Variants in PRDM1 observed in about 807,000 individuals in gnomAD.
The protein encoded by PRDM1 is PR/SET domain 1.
Under a neutral mutation model 62.8 loss-of-function variants are expected in PRDM1, and 13 were observed. The observed-to-expected ratio is 0.21, with a 90% confidence interval of 0.13 to 0.33. The LOEUF is 0.33. Ranked by LOEUF, PRDM1 falls within the 10% of genes least tolerant of loss-of-function variation. The probability of loss-of-function intolerance (pLI) is 1.00; values close to 1 mark genes in which losing one functional copy is unlikely to be tolerated. For missense variants in PRDM1, 895 were observed against 1,058.8 expected, an observed-to-expected ratio of 0.85 and a Z score of 2.15; for synonymous variants, 396 against 417.6, an observed-to-expected ratio of 0.95 and a Z score of 0.63.
intron 1 of PRDM1, among the ~76,000 whole-genome samples, chr6:106,049,814 T>C (rs760696854): frequency 6.6e-6 from 1 of 152,242 alleles, no homozygotes; most frequent in Non-Finnish European, 1.5e-5. Context: ...GAAAGAATGA[T>C]AAATGGCTGC....
intron 2 of PRDM1, 56 bp downstream of exon 2, chr6:106,088,505 C>T (rs2114618583): frequency 1.2e-6 from 2 of 1,606,848 alleles, no homozygotes; most frequent in Non-Finnish European, 1.7e-6. Context: ...AATCTCCCTA[C>T]TTGCCCTTGA....
Position 106,109,822 on chromosome 6 carries a change from G to A in PRDM1, c.*2336G>A, listed in dbSNP as rs910339906. The A allele has an allele frequency of 3.0e-5, 7 of 232,748 alleles. No individual in the cohort carries two copies. Among genetic ancestry groups the A allele is most frequent in the Non-Finnish European group, 6.0e-5 (7 of 117,542 alleles). 14.4% of individuals were successfully genotyped at this position (232,748 alleles called of 1,614,324 possible). On this transcript the variant is annotated 3_prime_UTR_variant, in exon 7 of 7. Coordinates refer to ENST00000369096, the MANE Select transcript of PRDM1 (RefSeq NM_001198.4). ...AAGTTAAAACTGACCAAAGTTACTG[G>A]CTTTTTACTTTGCTAGAACAACAAA... is the stretch of plus-strand genomic sequence containing the variant.
At chr6:106,001,703 A>G (rs554110067) in intron 1 of PRDM1, among the ~76,000 whole-genome samples, 2 of 152,246 alleles carry the variant, frequency 1.3e-5, no homozygotes, top group Admixed American at 6.5e-5. Context: ...TTGTTCCACT[A>G]TCCCTGTTCC....
intron 1 of PRDM1, among the ~76,000 whole-genome samples, chr6:106,062,635 T>C (rs1653466834): frequency 6.6e-6 from 1 of 152,220 alleles, no homozygotes; most frequent in Non-Finnish European, 1.5e-5. Flanking sequence ...GAAAAGGTTT[T>C]GAATAGCTTT....
At chr6:106,053,631 A>G (rs558505163) in intron 1 of PRDM1, among the ~76,000 whole-genome samples, 2 of 152,252 alleles carry the variant, frequency 1.3e-5, no homozygotes, top group South Asian at 2.1e-4. Context: ...TTGGCACCCA[A>G]GGACTCTTAG....
At chr6:106,073,105 CTTTTTTTTTT>C (rs202236727) in intron 1 of PRDM1, among the ~76,000 whole-genome samples, 3 of 137,666 alleles carry the variant, frequency 2.2e-5, no homozygotes, top group Non-Finnish European at 4.7e-5. Flanking sequence ...TTCCTCTTTT[CTTTTTTTTTT>C]TTTTTTTGTT....
chr6:105,997,807 T>C (rs1275806479), intron 1 of PRDM1, among the ~76,000 whole-genome samples: 4 of 152,246 alleles, frequency 2.6e-5, no homozygotes, highest in African/African-American at 7.2e-5. Flanking sequence ...CTATGGACTT[T>C]GTAATGGGCA....
chr6:106,008,649 G>T (rs997302152), intron 1 of PRDM1, among the ~76,000 whole-genome samples: 7 of 152,180 alleles, frequency 4.6e-5, no homozygotes, highest in African/African-American at 1.7e-4. Context: ...GGAAAGGAGG[G>T]CCCAGTCAGA....
At chr6:106,025,740 T>TA (rs1203322433) in intron 1 of PRDM1, among the ~76,000 whole-genome samples, 36 of 152,384 alleles carry the variant, frequency 2.4e-4, no homozygotes, top group African/African-American at 8.7e-4. Context: ...ATCAAATTGA[T>TA]ACTCTTTGGG....
At chr6:106,096,048 G>A in intron 3 of PRDM1, 1 of 239,994 alleles carries the variant, frequency 4.2e-6, no homozygotes, top group Non-Finnish European at 8.2e-6. Context: ...TTCTCCGCAA[G>A]GAAGTAGTAA....
At chr6:106,029,236 T>C (rs1247620013) in intron 1 of PRDM1, among the ~76,000 whole-genome samples, 2 of 152,144 alleles carry the variant, frequency 1.3e-5, no homozygotes, top group South Asian at 2.1e-4. Flanking sequence ...TGTTTTCTTA[T>C]AGCAGTTTCA....
chr6:106,087,882 C>T (rs1372982334), intron 1 of PRDM1: 1 of 269,978 alleles, frequency 3.7e-6, no homozygotes, highest in African/African-American at 2.2e-5. Flanking sequence ...GGACTGTGTG[C>T]CCAGAACATT....
rs751320406 is a variant in PRDM1, at chr6:106,107,331, T to A, written c.2323T>A (p.Ser775Thr). 20 of 1,613,996 alleles carry A rather than the reference T, an allele frequency of 1.2e-5. 1 individual carries two copies. The South Asian group carries it at 2.0e-4, about 16-fold the overall frequency. ...KEKEETGLKV[S>T]LQRNMGNGLL... ...GAAAGAAGAAACTGGCCTGAAAGTGTCTTTGCAAAGAAACATGGGGAATGG... is the reference window on the plus strand; with the variant it reads ...GAAAGAAGAAACTGGCCTGAAAGTGACTTTGCAAAGAAACATGGGGAATGG... Residue 775 changes from serine (S) to threonine (T), a missense_variant, in exon 7 of 7, where the codon TCT becomes ACT. Ser to Thr is a moderately conservative substitution (Grantham distance 58, BLOSUM62 1). Transcript: ENST00000369096.
chr6:106,027,050 G>A (rs992876552), intron 1 of PRDM1, among the ~76,000 whole-genome samples: 3 of 152,102 alleles, frequency 2.0e-5, no homozygotes, highest in South Asian at 2.1e-4. Flanking sequence ...GTTGAAATTC[G>A]GATCCCCACC....
intron 1 of PRDM1, among the ~76,000 whole-genome samples, chr6:106,035,731 T>C (rs1314891558): frequency 6.6e-6 from 1 of 152,242 alleles, no homozygotes; most frequent in African/African-American, 2.4e-5. Flanking sequence ...TTCTATCCTT[T>C]CACTTTCAAC....
intron 1 of PRDM1, among the ~76,000 whole-genome samples, chr6:106,019,307 G>A (rs545305404): frequency 4.2e-5 from 6 of 141,756 alleles, no homozygotes; most frequent in Non-Finnish European, 7.6e-5. Context: ...CCTTCTATAT[G>A]ATTTTATATG....
chr6:106,072,674 C>T (rs1773537611), intron 1 of PRDM1, among the ~76,000 whole-genome samples: 1 of 152,230 alleles, frequency 6.6e-6, no homozygotes, highest in African/African-American at 2.4e-5. Flanking sequence ...CTGCTGTCTG[C>T]GGTGCCCCTT....
intron 1 of PRDM1, among the ~76,000 whole-genome samples, chr6:106,015,878 A>G (rs556599558): frequency 6.6e-6 from 1 of 152,018 alleles, no homozygotes; most frequent in Non-Finnish European, 1.5e-5. Flanking sequence ...CAAGTATGCT[A>G]TTCAGTAGCA....
At chr6:106,049,192 A>C (rs1031274897) in intron 1 of PRDM1, among the ~76,000 whole-genome samples, 1 of 152,206 alleles carries the variant, frequency 6.6e-6, no homozygotes, top group African/African-American at 2.4e-5. Context: ...TATGAGAGAG[A>C]GAACAGAGAG....
Sources: allele counts gnomAD v4.1 joint callset (sites outside exome capture counted in the v4.1 genomes callset), GRCh38; gene constraint gnomAD v4.1.1; transcripts MANE v1.5; gene names NCBI Gene and HGNC (gene_info 2026-07-23, HGNC 2026-07-21).